KLHL15: variants seen among roughly 807,000 people sequenced by gnomAD.
KLHL15 encodes kelch-like protein 15.
In KLHL15, 1 loss-of-function variant was observed where a neutral mutation model predicts 29.3. The ratio of observed to expected loss-of-function variants is 0.03; its 90% confidence interval spans 0.01 to 0.16. The LOEUF is 0.16. KLHL15 is among the 10% of genes least tolerant of loss of function. The pLI, the probability that KLHL15 is intolerant of heterozygous loss-of-function variation, is 1.00. For synonymous variants in KLHL15, 212 were observed against 184.5 expected (o/e 1.15, Z -1.21); for missense variants, 215 against 478.5 (o/e 0.45, Z 5.14).
At chrX:24,011,227 C>T (rs745928199) in intron 2 of KLHL15, among the ~76,000 whole-genome samples, 3 of 107,813 alleles carry the variant, frequency 2.8e-5, no homozygotes, top group East Asian at 5.7e-4. Flanking sequence ...TAAGAAAAGG[C>T]AGGCATGGTG....
intron 3 of KLHL15, among the ~76,000 whole-genome samples, chrX:23,993,001 A>G (rs1929115375): frequency 8.9e-6 from 1 of 111,737 alleles, no homozygotes. Flanking sequence ...GGTTAATGTA[A>G]TATTAACAAA....
chrX:24,006,837 A>C (rs1489888898), intron 2 of KLHL15, 137 bp from the exon 3 acceptor site: 1 of 487,756 alleles, frequency 2.1e-6, no homozygotes, highest in Non-Finnish European at 3.5e-6. Context: ...CTTTGGGAGA[A>C]GACAATCTAA....
At chrX:23,996,056 A>G (rs904352214) in intron 3 of KLHL15, among the ~76,000 whole-genome samples, 3 of 112,412 alleles carry the variant, frequency 2.7e-5, no homozygotes, top group Non-Finnish European at 5.6e-5. Flanking sequence ...GCCACGAAAT[A>G]ATTTTTAAAA....
At position 23,984,906 on chromosome X, in the gene KLHL15, G is replaced by A. The variant is rs527618947; in HGVS notation, c.*3015C>T. On this transcript the variant is annotated 3_prime_UTR_variant, in exon 4 of 4. Coordinates refer to ENST00000328046, the MANE Select transcript of KLHL15 (RefSeq NM_030624.3). ...CTCAGTCAGTATTTCACAAATTCTA[G>A]TAACACTCACACAGAGCAGAGTAAT... The A allele has an allele frequency of 8.9e-6, 1 of 112,232 alleles. No homozygotes were observed. The highest frequency in any genetic ancestry group is 3.6e-4 in the South Asian group (1 of 2,762). The allele number at this position is 112,232 out of a possible 1,213,427, so 9.2% of individuals were successfully genotyped here.
intron 2 of KLHL15, among the ~76,000 whole-genome samples, chrX:24,007,506 A>ATATATATATATATATATAT (rs1320532694): frequency 3.4e-5 from 2 of 58,359 alleles, no homozygotes; most frequent in African/African-American, 1.5e-4. Flanking sequence ...AAAAAAAAAA[A>ATATATATATATATATATAT]AAATATATAT....
At position 23,987,623 on chromosome X, in the gene KLHL15, C is replaced by T. The variant is rs1320741114; in HGVS notation, c.*298G>A. Reference sequence around the variant, plus strand: ...TCTCTTAGAAGACACATGACTCCTACGCTAACATCTGAAAGAAATGTTTAA... The same window carrying T: ...TCTCTTAGAAGACACATGACTCCTATGCTAACATCTGAAAGAAATGTTTAA... On this transcript the variant is annotated 3_prime_UTR_variant, in exon 4 of 4. Coordinates refer to ENST00000328046, the MANE Select transcript of KLHL15 (RefSeq NM_030624.3). The T allele has an allele frequency of 9.2e-6, 2 of 218,404 alleles. No homozygotes were observed. The highest frequency in any genetic ancestry group is 2.9e-5 in the African/African-American group (1 of 34,043). 18.0% of individuals were successfully genotyped at this position (218,404 alleles called of 1,213,427 possible). A position where few individuals can be genotyped will look rare whatever the true frequency, so the allele number is the denominator to read the frequency against.
At chrX:24,025,419 G>A (rs1292997131) in intron 1 of KLHL15, among the ~76,000 whole-genome samples, 1 of 105,713 alleles carries the variant, frequency 9.5e-6, no homozygotes, top group Non-Finnish European at 2.0e-5. Context: ...CCCCCTGCGG[G>A]CCGCGGGAGC....
rs766596266 is a variant in KLHL15, at chrX:24,006,406, C to T, written c.288G>A (p.Leu96=). ...GAATCTCATGAACGGTATTCATACT[C>T]AGCTCTATAGTTCCATAGTACATAA... ...LQFMYYGTIE[L]SMNTVHEILQ... is the part of the protein sequence containing the mutation. The change falls in exon 3 of 4, where the codon CTG becomes CTA. Residue 96 remains leucine (L), a synonymous_variant. Coordinates refer to ENST00000328046, the MANE Select transcript of KLHL15 (RefSeq NM_030624.3). The T allele has an allele frequency of 1.0e-4, 121 of 1,210,110 alleles. No individual in the cohort carries two copies. Among genetic ancestry groups the T allele is most frequent in the Non-Finnish European group, 1.3e-4 (119 of 895,201 alleles).
chrX:24,024,803 G>C (rs1929886637), intron 2 of KLHL15, 54 bp downstream of exon 2: 1 of 296,763 alleles, frequency 3.4e-6, no homozygotes, highest in African/African-American at 2.7e-5. Flanking sequence ...CCTAGCTCGG[G>C]GCCGCGGGCG....
At chrX:24,014,768 CCA>C (rs1167914565) in intron 2 of KLHL15, among the ~76,000 whole-genome samples, 7 of 111,928 alleles carry the variant, frequency 6.3e-5, no homozygotes, top group Non-Finnish European at 9.4e-5. Context: ...GTGATCCTGG[CCA>C]CAGTCACTCG....
Position 23,986,466 on chromosome X carries a change from T to G in KLHL15, c.*1455A>C, listed in dbSNP as rs1928988183. The G allele has an allele frequency of 8.9e-6, 1 of 112,301 alleles. No homozygotes were observed. The highest frequency in any genetic ancestry group is 3.2e-5 in the African/African-American group (1 of 31,011). 9.3% of individuals were successfully genotyped at this position (112,301 alleles called of 1,213,427 possible). A position where few individuals can be genotyped will look rare whatever the true frequency, so the allele number is the denominator to read the frequency against. ...ACTACTCATGCGCAAATGGCATCAATTTCAATGATCCACTCCCAGGTTATT... is the reference window on the plus strand; with the variant it reads ...ACTACTCATGCGCAAATGGCATCAAGTTCAATGATCCACTCCCAGGTTATT... On this transcript the variant is annotated 3_prime_UTR_variant, in exon 4 of 4. Coordinates refer to ENST00000328046, the MANE Select transcript of KLHL15 (RefSeq NM_030624.3).
intron 2 of KLHL15, among the ~76,000 whole-genome samples, chrX:24,009,723 C>G (rs756915131): frequency 2.3e-4 from 23 of 99,089 alleles, no homozygotes; most frequent in African/African-American, 8.6e-4. Context: ...GGCTCAGTGG[C>G]TCACGCCCGT....
At chrX:24,013,999 G>A (rs6526365) in intron 2 of KLHL15, among the ~76,000 whole-genome samples, 10,774 of 109,423 alleles carry the variant, frequency 0.098, 636 homozygotes, top group African/African-American at 0.22. Context: ...AGGGAGCAGT[G>A]GCTTGTGCCT....
At chrX:24,016,103 C>G (rs747516290) in intron 2 of KLHL15, among the ~76,000 whole-genome samples, 1 of 108,446 alleles carries the variant, frequency 9.2e-6, no homozygotes, top group South Asian at 4.0e-4. Flanking sequence ...AATCTCAGCA[C>G]TTTGGGAGGC....
chrX:24,001,523 G>C (rs1258808111), intron 3 of KLHL15, among the ~76,000 whole-genome samples: 2 of 110,959 alleles, frequency 1.8e-5, no homozygotes, highest in African/African-American at 3.3e-5. Context: ...TCAAGCATAG[G>C]CTGGGCGTGG....
intron 2 of KLHL15, among the ~76,000 whole-genome samples, chrX:24,018,712 T>C (rs1929742649): frequency 9.0e-6 from 1 of 111,404 alleles, no homozygotes; most frequent in African/African-American, 3.3e-5. Context: ...TTTTTAAAGT[T>C]ATTGGTCAGC....
At chrX:24,007,213 C>T (rs1250897082) in intron 2 of KLHL15, among the ~76,000 whole-genome samples, 2 of 107,905 alleles carry the variant, frequency 1.9e-5, no homozygotes, top group Non-Finnish European at 3.8e-5. Context: ...TATATGTCGG[C>T]TGGGCGCGGT....
In KLHL15 at chrX:23,988,767, A is replaced by G. The variant is rs1569264183; in HGVS notation, c.969T>C (p.Ala323=). 2 of 1,212,070 alleles carry G rather than the reference A, an allele frequency of 1.7e-6. No homozygotes were observed. The highest frequency in any genetic ancestry group is 1.8e-5 in the South Asian group (1 of 56,997). ...PQVPLRPDCL[A]IVNNFVFLLG... Reference sequence around the variant, plus strand: ...ACAGGAACACAAAATTATTGACGATAGCAAGGCAGTCAGGTCGCAGAGGTA... The same window carrying G: ...ACAGGAACACAAAATTATTGACGATGGCAAGGCAGTCAGGTCGCAGAGGTA... The change falls in exon 4 of 4, where the codon GCT becomes GCC. Residue 323 remains alanine (A), a synonymous_variant. Transcript: ENST00000328046.
intron 2 of KLHL15, among the ~76,000 whole-genome samples, chrX:24,019,013 A>G (rs1419512713): frequency 1.8e-5 from 2 of 111,556 alleles, no homozygotes; most frequent in Non-Finnish European, 3.8e-5. Context: ...TAAATACATA[A>G]ATAAAGAATA....
Sources: gnomAD v4.1 joint callset for allele counts (sites outside exome capture counted in the v4.1 genomes callset) on GRCh38, gnomAD v4.1.1 for gene constraint, MANE v1.5 for transcripts, NCBI Gene and HGNC (gene_info 2026-07-23, HGNC 2026-07-21) for gene names.